Variants in ABCB11 observed in about 807,000 individuals in gnomAD.
The protein encoded by ABCB11 is ATP binding cassette subfamily B member 11, also known as bile salt export pump.
Under a neutral mutation model 148.0 loss-of-function variants are expected in ABCB11, and 95 were observed. The ratio of observed to expected loss-of-function variants is 0.64; its 90% CI spans 0.54 to 0.76. The LOEUF (loss-of-function observed/expected upper bound fraction) is 0.76, where lower values mean the gene tolerates loss of function less well. ABCB11 is among the 30% of genes least tolerant of loss of function. The pLI, the probability that ABCB11 is intolerant of heterozygous loss-of-function variation, is 0.00. For missense variants in ABCB11, 1,523 were observed against 1,617.8 expected (o/e 0.94, Z 1.01); for synonymous variants, 591 against 555.4 (o/e 1.06, Z -0.90).
chr2:169,016,937 C>A, intron 2 of ABCB11, 138 bp from the exon 3 acceptor site: 6 of 545,346 alleles, frequency 1.1e-5, no homozygotes, highest in East Asian at 3.5e-5. Context: ...TGACTATTTG[C>A]CTTTTCTTTC....
At chr2:168,946,724 G>A (rs1255859223) in intron 19 of ABCB11, among the ~76,000 whole-genome samples, 1 of 151,554 alleles carries the variant, frequency 6.6e-6, no homozygotes, top group East Asian at 1.9e-4. Flanking sequence ...CTTATAGATG[G>A]AAAATAAAGC....
chr2:168,954,436 T>C (rs1692699545), intron 19 of ABCB11, among the ~76,000 whole-genome samples: 1 of 151,640 alleles, frequency 6.6e-6, no homozygotes. Context: ...TCTAAATGTT[T>C]CCTTGTCTGG....
rs1398816451 is a variant in ABCB11 at position 168,920,828 on chromosome 2, G to C, written c.*2794C>G. 2.0e-5 allele frequency among the ~76,000 whole-genome samples: 3 copies of C among 152,132 alleles called. No individual in the cohort carries two copies. Among genetic ancestry groups the C allele is most frequent in the Non-Finnish European group, 4.4e-5 (3 of 68,020 alleles). On this transcript the variant is annotated 3_prime_UTR_variant, in exon 28 of 28. Transcript: ENST00000650372. ...TATTTATTTATTCATTTTTGAAGTT[G>C]TAATCTTCTCCTTTGTCACTGAGCC...
At chr2:168,971,708 T>G in intron 14 of ABCB11, 139 bp downstream of exon 14, 3 of 751,576 alleles carry the variant, frequency 4.0e-6, no homozygotes, top group Non-Finnish European at 6.6e-6. Context: ...CTCATGGTAC[T>G]TTTTCAGGCA....
chr2:168,981,767 C>A (rs922183330), intron 10 of ABCB11, among the ~76,000 whole-genome samples: 1 of 152,154 alleles, frequency 6.6e-6, no homozygotes, highest in Non-Finnish European at 1.5e-5. Flanking sequence ...TTAGGCTTTT[C>A]AGGCCATATG....
At chr2:168,959,180 TG>T (rs1218940601) in intron 18 of ABCB11, among the ~76,000 whole-genome samples, 1 of 151,688 alleles carries the variant, frequency 6.6e-6, no homozygotes, top group East Asian at 2.0e-4. Context: ...TCATTACAGT[TG>T]CAAGTCAAAT....
chr2:168,930,978 A>G (rs1053345919), intron 24 of ABCB11, 116 bp from the exon 25 acceptor site: 5 of 852,960 alleles, frequency 5.9e-6, no homozygotes, highest in Non-Finnish European at 7.2e-6. Flanking sequence ...CCATGCTGCC[A>G]AAGTGCAAAG....
intron 11 of ABCB11, among the ~76,000 whole-genome samples, chr2:168,977,499 C>G (rs946535588): frequency 6.6e-6 from 1 of 152,164 alleles, no homozygotes; most frequent in Non-Finnish European, 1.5e-5. Flanking sequence ...TTTAACCACT[C>G]TGGTTAATCA....
At chr2:168,930,207 T>C (rs1691505288) in intron 25 of ABCB11, among the ~76,000 whole-genome samples, 1 of 152,196 alleles carries the variant, frequency 6.6e-6, no homozygotes, top group African/African-American at 2.4e-5. Context: ...TCAATCTGAG[T>C]TCCTTGCGTT....
At chr2:168,916,454 C>T (rs868111066), downstream of ABCB11, among the ~76,000 whole-genome samples, 4 of 152,294 alleles carry the variant, frequency 2.6e-5, no homozygotes, top group Middle Eastern at 3.4e-3. Flanking sequence ...ATGCCAATCA[C>T]GAGTACCCTG....
At chr2:168,934,463 G>A (rs1691726990) in intron 23 of ABCB11, among the ~76,000 whole-genome samples, 1 of 152,130 alleles carries the variant, frequency 6.6e-6, no homozygotes, top group Non-Finnish European at 1.5e-5. Flanking sequence ...TTTCACCTCT[G>A]GAAATGTGAG....
At chr2:169,013,239 A>G in intron 5 of ABCB11, 33 bp downstream of exon 5, 1 of 1,538,280 alleles carries the variant, frequency 6.5e-7, no homozygotes, top group South Asian at 1.2e-5. Flanking sequence ...ATATGAGCAA[A>G]AAAGTAAAAA....
rs186904916 is a variant in ABCB11, at chr2:169,002,426, T to A, written c.390-5704A>T. Among the ~76,000 whole-genome samples, 229 of 152,318 alleles carry A rather than the reference T, an allele frequency of 1.5e-3. 1 individual carries two copies. Among genetic ancestry groups the A allele is most frequent in the Non-Finnish European group, 2.5e-3 (172 of 68,012 alleles). On this transcript the variant is annotated intron_variant, in intron 5 of 27. Transcript: ENST00000650372. Reference sequence around the variant, plus strand: ...AAAAGTTAGAAATAGAACTGCTATATAACCTAGCAATCCTATACTGGGTAT... The same window carrying A: ...AAAAGTTAGAAATAGAACTGCTATAAAACCTAGCAATCCTATACTGGGTAT...
intron 19 of ABCB11, among the ~76,000 whole-genome samples, chr2:168,956,769 T>C (rs558211880): frequency 6.6e-6 from 1 of 151,642 alleles, no homozygotes; most frequent in Non-Finnish European, 1.5e-5. Context: ...GTTTCCCTTT[T>C]GGAGTAACAT....
intron 10 of ABCB11, among the ~76,000 whole-genome samples, chr2:168,981,419 G>A (rs1694133526): frequency 1.3e-5 from 2 of 152,056 alleles, no homozygotes; most frequent in Admixed American, 1.3e-4. Context: ...AATCTTTCAA[G>A]CCCCCATTTC....
At chr2:168,927,116 C>T (rs756011365) in intron 26 of ABCB11, 40 bp downstream of exon 26, 4 of 1,530,076 alleles carry the variant, frequency 2.6e-6, no homozygotes, top group Non-Finnish European at 3.6e-6. Context: ...TTCTCCCCAT[C>T]CTTGTCTCTC....
At chr2:168,916,440 C>T (rs969759314), downstream of ABCB11, among the ~76,000 whole-genome samples, 3 of 152,186 alleles carry the variant, frequency 2.0e-5, no homozygotes, top group East Asian at 3.8e-4. Context: ...ATTCGGATAG[C>T]CACATGCCAA....
intron 26 of ABCB11, among the ~76,000 whole-genome samples, chr2:168,926,407 G>T (rs549536748): frequency 6.6e-6 from 1 of 152,196 alleles, no homozygotes; most frequent in East Asian, 1.9e-4. Flanking sequence ...TCATTTTAAC[G>T]TTATTTTCTT....
At chr2:168,969,938 T>C (rs890213999) in intron 15 of ABCB11, 107 bp downstream of exon 15, 10 of 1,053,176 alleles carry the variant, frequency 9.5e-6, no homozygotes, top group Admixed American at 1.8e-5. Flanking sequence ...TGAACCCATG[T>C]AGTATCAACT....
Sources: gnomAD v4.1 joint callset for allele counts (sites outside exome capture counted in the v4.1 genomes callset) on GRCh38, gnomAD v4.1.1 for gene constraint, MANE v1.5 for transcripts, NCBI Gene and HGNC (gene_info 2026-07-23, HGNC 2026-07-21) for gene names.